NAALADL2: variants seen among roughly 807,000 people sequenced by gnomAD.
NAALADL2 encodes the protein N-acetylated alpha-linked acidic dipeptidase like 2.
In NAALADL2, 76 loss-of-function variants were observed where a neutral mutation model predicts 87.2. The observed-to-expected ratio is 0.87, with a 90% CI of 0.72 to 1.05. The LOEUF is 1.05. Among genes scored for constraint, NAALADL2 ranks in the 50% least tolerant of loss-of-function variants. The pLI is 0.00. For synonymous variants in NAALADL2, 354 were observed against 331.0 expected (o/e 1.07, Z -0.75); for missense variants, 1,089 against 945.8 (o/e 1.15, Z -1.99).
intron 2 of NAALADL2, among the ~76,000 whole-genome samples, chr3:175,202,214 A>T (rs1740149129): frequency 6.6e-6 from 1 of 152,032 alleles, no homozygotes; most frequent in South Asian, 2.1e-4. Context: ...TAAGGAAGTG[A>T]GGTTTGCAGC....
At chr3:174,695,168 T>C (rs1372793442) in intron 2 of NAALADL2, among the ~76,000 whole-genome samples, 1 of 152,078 alleles carries the variant, frequency 6.6e-6, no homozygotes, top group Admixed American at 6.5e-5. Flanking sequence ...TAACTGACCA[T>C]TGTTTGCTAC....
At chr3:175,456,814 G>T (rs9818285) in intron 6 of NAALADL2, among the ~76,000 whole-genome samples, 110,223 of 151,774 alleles carry the variant, frequency 0.73, 40,605 homozygotes, top group Middle Eastern at 0.82. Flanking sequence ...TTACAATAGG[G>T]TCCAAACTAG....
chr3:175,509,288 A>T (rs1730802297), intron 9 of NAALADL2, among the ~76,000 whole-genome samples: 1 of 152,144 alleles, frequency 6.6e-6, no homozygotes, highest in South Asian at 2.1e-4. Flanking sequence ...GCCCCACAAG[A>T]CCTGGTCCTA....
chr3:175,767,915 C>T (rs1748949628), intron 13 of NAALADL2, among the ~76,000 whole-genome samples: 1 of 152,136 alleles, frequency 6.6e-6, no homozygotes. Flanking sequence ...TCTACTTCTG[C>T]CTTCCAAATC....
At chr3:175,085,561 G>A (rs180785811) in intron 1 of NAALADL2, among the ~76,000 whole-genome samples, 9 of 152,150 alleles carry the variant, frequency 5.9e-5, no homozygotes, top group Admixed American at 5.9e-4. Context: ...ACCCTTTGCA[G>A]GATTATAAAA....
At chr3:175,187,767 T>C (rs775844509) in intron 2 of NAALADL2, among the ~76,000 whole-genome samples, 14 of 152,148 alleles carry the variant, frequency 9.2e-5, no homozygotes, top group South Asian at 2.1e-4. Context: ...TCAGAAAGCA[T>C]TGGCTGCCTC....
chr3:174,719,933 C>T (rs1321086211), intron 2 of NAALADL2, among the ~76,000 whole-genome samples: 1 of 152,170 alleles, frequency 6.6e-6, no homozygotes, highest in South Asian at 2.1e-4. Context: ...TCCTGAGTAG[C>T]TGAGACTGCA....
intron 11 of NAALADL2, among the ~76,000 whole-genome samples, chr3:175,726,648 G>A (rs1347230009): frequency 6.6e-6 from 1 of 152,100 alleles, no homozygotes; most frequent in African/African-American, 2.4e-5. Flanking sequence ...TCTATTGGCG[G>A]TCTTGTCTTC....
intron 1 of NAALADL2, among the ~76,000 whole-genome samples, chr3:175,091,346 A>G (rs376375231): frequency 6.6e-6 from 1 of 152,062 alleles, no homozygotes; most frequent in African/African-American, 2.4e-5. Flanking sequence ...CAAACCAGCA[A>G]ATGATTTGAC....
At chr3:174,889,462 C>T (rs73045488) in intron 1 of NAALADL2, among the ~76,000 whole-genome samples, 12,995 of 152,172 alleles carry the variant, frequency 0.085, 618 homozygotes, top group Middle Eastern at 0.12. Flanking sequence ...CCTGCTTCCT[C>T]TCCTGCTGGA....
At chr3:175,614,729 G>A (rs2149682593) in intron 10 of NAALADL2, among the ~76,000 whole-genome samples, 1 of 152,256 alleles carries the variant, frequency 6.6e-6, no homozygotes, top group Admixed American at 6.5e-5. Flanking sequence ...GAATATGAGT[G>A]CATGCATAAA....
intron 1 of NAALADL2, among the ~76,000 whole-genome samples, chr3:174,946,940 G>C (rs1335066173): frequency 2.0e-5 from 3 of 152,024 alleles, no homozygotes; most frequent in African/African-American, 7.2e-5. Flanking sequence ...TGCTACTGTA[G>C]CTCACAGACT....
At chr3:175,796,945 CTTTTT>C (rs10706498) in intron 13 of NAALADL2, among the ~76,000 whole-genome samples, 2 of 143,028 alleles carry the variant, frequency 1.4e-5, no homozygotes, top group Admixed American at 1.4e-4. Context: ...AAATTCATGG[CTTTTT>C]TTTTTTCAGT....
intron 4 of NAALADL2, among the ~76,000 whole-genome samples, chr3:175,303,528 AG>A (rs1283478206): frequency 6.6e-6 from 1 of 152,188 alleles, no homozygotes; most frequent in Non-Finnish European, 1.5e-5. Flanking sequence ...TAAAATGTAT[AG>A]CTACATCTGA....
chr3:174,861,542 G>A (rs1726506190), intron 1 of NAALADL2, among the ~76,000 whole-genome samples: 2 of 152,046 alleles, frequency 1.3e-5, no homozygotes, highest in South Asian at 4.1e-4. Flanking sequence ...ACAAACGGAT[G>A]TTCTTTAGTG....
rs1036108074 is a variant in NAALADL2 at position 175,447,283 on chromosome 3, T to C, written c.1145T>C (p.Ile382Thr). 4 of 1,605,128 alleles carry C rather than the reference T, an allele frequency of 2.5e-6. No individual in the cohort carries two copies. The highest frequency in any genetic ancestry group is 2.7e-5 in the African/African-American group (2 of 74,764). The change falls in exon 6 of 14, where the codon ATC becomes ACC. Residue 382 changes from isoleucine to threonine, a missense_variant. Physicochemically the swap from Ile to Thr is moderately conservative, Grantham distance 89. Coordinates refer to ENST00000454872, the MANE Select transcript of NAALADL2 (RefSeq NM_207015.3). ...CTCACCTCTCTATTAGTGCAGCCCA[T>C]CTCTGCACCCCTCGTTGCAAAACTG... is the stretch of plus-strand genomic sequence containing the variant. ...SNLTSLLVQPISAPLVAKLIS... is the reference protein window; with the variant it reads ...SNLTSLLVQPTSAPLVAKLIS...
intron 1 of NAALADL2, among the ~76,000 whole-genome samples, chr3:174,923,173 GC>G (rs917608038): frequency 1.1e-4 from 16 of 152,004 alleles, no homozygotes; most frequent in Non-Finnish European, 7.4e-5. Context: ...AAAGATGGGG[GC>G]TTATGGAAAA....
At chr3:175,023,838 G>A (rs7653217) in intron 1 of NAALADL2, among the ~76,000 whole-genome samples, 15,241 of 151,880 alleles carry the variant, frequency 0.1, 1,112 homozygotes, top group East Asian at 0.25. Flanking sequence ...GTCTGTTTGG[G>A]CTCCATATCC....
intron 1 of NAALADL2, among the ~76,000 whole-genome samples, chr3:174,980,982 T>G (rs184254914): frequency 1.6e-3 from 240 of 152,318 alleles, no homozygotes; most frequent in African/African-American, 5.6e-3. Context: ...TGTTTGAACA[T>G]TGTATTTATT....
Sources: gnomAD v4.1 joint callset for allele counts (sites outside exome capture counted in the v4.1 genomes callset) on GRCh38, gnomAD v4.1.1 for gene constraint, MANE v1.5 for transcripts, NCBI Gene and HGNC (gene_info 2026-07-23, HGNC 2026-07-21) for gene names.